Variants in SLC12A7 observed in about 807,000 individuals in gnomAD.
The protein encoded by SLC12A7 is solute carrier family 12 member 7, also known as K-Cl cotransporter 4.
In SLC12A7, 100 loss-of-function variants were observed where a neutral mutation model predicts 120.6. That is an observed-to-expected ratio of 0.83 (90% CI 0.71 to 0.98). SLC12A7 has a LOEUF of 0.98. Among genes scored for constraint, SLC12A7 ranks in the 50% least tolerant of loss-of-function variants. The pLI is 0.00. For synonymous variants in SLC12A7, 760 were observed against 678.0 expected (o/e 1.12, Z -1.88); for missense variants, 1,373 against 1,548.1 (o/e 0.89, Z 1.90).
chr5:1,082,340 C>T (rs1739261229), intron 8 of SLC12A7, among the ~76,000 whole-genome samples: 1 of 109,962 alleles, frequency 9.1e-6, no homozygotes, highest in African/African-American at 2.9e-5. Flanking sequence ...TCCGGGCTTC[C>T]CGTCTCGGGT....
the SLC12A7 span, among the ~76,000 whole-genome samples, chr5:1,125,026 A>ACAAC: frequency 1.5e-4 from 23 of 152,180 alleles, no homozygotes; most frequent in African/African-American, 5.6e-4. Flanking sequence ...GAAGATTTGA[A>ACAAC]CAACCCATAA....
At chr5:1,062,549 A>G (rs1425054688) in intron 20 of SLC12A7, among the ~76,000 whole-genome samples, 1 of 152,216 alleles carries the variant, frequency 6.6e-6, no homozygotes, top group East Asian at 1.9e-4. Context: ...AGGACAACTG[A>G]GTTCCACGGG....
chr5:1,057,838 G>A (rs1477306509), intron 21 of SLC12A7, among the ~76,000 whole-genome samples, 189 bp from the exon 22 acceptor site: 1 of 152,082 alleles, frequency 6.6e-6, no homozygotes, highest in Admixed American at 6.5e-5. Context: ...CCTCCTCCCA[G>A]GCTTCCCGAC....
chr5:1,144,701 C>T, the SLC12A7 span, among the ~76,000 whole-genome samples: 1 of 152,350 alleles, frequency 6.6e-6, no homozygotes, highest in Admixed American at 6.5e-5. Context: ...ACTTCCAGAC[C>T]AACAGATCAC....
At chr5:1,095,226 T>C (rs1323515170) in intron 1 of SLC12A7, among the ~76,000 whole-genome samples, 1 of 152,164 alleles carries the variant, frequency 6.6e-6, no homozygotes, top group African/African-American at 2.4e-5. Flanking sequence ...GGTCTAAGAC[T>C]TTCAGCCTCA....
the SLC12A7 span, among the ~76,000 whole-genome samples, chr5:1,123,680 G>A: frequency 6.6e-6 from 1 of 152,236 alleles, no homozygotes; most frequent in Non-Finnish European, 1.5e-5. Flanking sequence ...CCTGGTCTTG[G>A]AGGACACACG....
At chr5:1,075,610 G>A in intron 14 of SLC12A7, 120 bp from the exon 15 acceptor site, 1 of 1,397,592 alleles carries the variant, frequency 7.2e-7, no homozygotes, top group Non-Finnish European at 9.5e-7. Flanking sequence ...TAGGAAAACA[G>A]TCACTGACGC....
the SLC12A7 span, among the ~76,000 whole-genome samples, chr5:1,120,280 C>A: frequency 6.6e-6 from 1 of 152,228 alleles, no homozygotes. Flanking sequence ...CCGGGTGCAG[C>A]TGGGTGGGCA....
intron 3 of SLC12A7, among the ~76,000 whole-genome samples, chr5:1,091,923 AG>A (rs1341241948): frequency 7.3e-6 from 1 of 136,896 alleles, no homozygotes; most frequent in African/African-American, 3.0e-5. Flanking sequence ...AGCTACAGAC[AG>A]GGGGGGCGGC....
At chr5:1,148,205 C>CTTTTTTTTTT in the SLC12A7 span, among the ~76,000 whole-genome samples, 38 of 107,628 alleles carry the variant, frequency 3.5e-4, no homozygotes, top group African/African-American at 8.0e-4. Context: ...TTCTTTCTTT[C>CTTTTTTTTTT]TTTTTTTTTT....
At chr5:1,123,405 A>G in the SLC12A7 span, among the ~76,000 whole-genome samples, 1 of 152,176 alleles carries the variant, frequency 6.6e-6, no homozygotes, top group Non-Finnish European at 1.5e-5. Context: ...CAGCCCTGCC[A>G]GGTAACACCA....
rs1736878846 is a variant in SLC12A7, at chr5:1,065,126, TGCA to T, written c.2437+154_2437+156del. Among the ~76,000 whole-genome samples, 5 of 94,560 alleles carry T rather than the reference TGCA, an allele frequency of 5.3e-5. No homozygotes were observed. The South Asian group carries it at 2.0e-3, about 37-fold the overall frequency. 62.0% of individuals were successfully genotyped at this position (94,560 alleles called of 152,430 possible). A position where few individuals can be genotyped will look rare whatever the true frequency, so the allele number is the denominator to read the frequency against. On this transcript the variant is annotated intron_variant, in intron 18 of 23. Transcript: ENST00000264930. ...GGACAGTGAGGGGACGGCGAGGGGA[TGCA>T]GAGGGGACACCAAGGGGACAGTGGG...
chr5:1,118,261 C>G, the SLC12A7 span, among the ~76,000 whole-genome samples: 5 of 152,226 alleles, frequency 3.3e-5, no homozygotes, highest in East Asian at 9.6e-4. Flanking sequence ...CATTCTTTCT[C>G]CCCTGTAATT....
At chr5:1,069,239 A>G (rs1056370660) in intron 17 of SLC12A7, among the ~76,000 whole-genome samples, 48 of 151,988 alleles carry the variant, frequency 3.2e-4, no homozygotes, top group Non-Finnish European at 6.2e-4. Context: ...GGCGGGGGCC[A>G]TTTTTTACCT....
intron 17 of SLC12A7, among the ~76,000 whole-genome samples, chr5:1,072,630 CG>C (rs1208260132): frequency 0.012 from 6 of 518 alleles, no homozygotes; most frequent in African/African-American, 0.02. Flanking sequence ...CCCCAGCACA[CG>C]GGCATCACAC....
chr5:1,055,048 C>T (rs527607403), intron 22 of SLC12A7, among the ~76,000 whole-genome samples: 10 of 152,292 alleles, frequency 6.6e-5, no homozygotes, highest in Admixed American at 5.2e-4. Context: ...GGAGACCTGG[C>T]CCTTGGCTAC....
intron 3 of SLC12A7, among the ~76,000 whole-genome samples, chr5:1,090,883 T>G (rs1486774284): frequency 6.6e-6 from 1 of 152,210 alleles, no homozygotes; most frequent in Non-Finnish European, 1.5e-5. Context: ...AGGCTGGAGA[T>G]GCCTGGGCCC....
chr5:1,108,307 C>T (rs772052114), intron 1 of SLC12A7, among the ~76,000 whole-genome samples: 22 of 152,366 alleles, frequency 1.4e-4, no homozygotes, highest in Middle Eastern at 3.4e-3. Flanking sequence ...GCACAGGCCC[C>T]GGCCTGGATG....
chr5:1,129,216 G>A, the SLC12A7 span, among the ~76,000 whole-genome samples: 1 of 152,148 alleles, frequency 6.6e-6, no homozygotes, highest in Non-Finnish European at 1.5e-5. Context: ...TCAGCCAGCC[G>A]CCACTGCTGC....
Sources: gnomAD v4.1 joint callset for allele counts (sites outside exome capture counted in the v4.1 genomes callset) on GRCh38, gnomAD v4.1.1 for gene constraint, MANE v1.5 for transcripts, NCBI Gene and HGNC (gene_info 2026-07-23, HGNC 2026-07-21) for gene names.